PDGFRA: variants seen among roughly 807,000 people sequenced by gnomAD.
PDGFRA encodes the protein platelet-derived growth factor receptor alpha.
A neutral mutation model predicts 121.5 loss-of-function variants in PDGFRA; 25 were observed. That is an observed-to-expected ratio of 0.21 (90% CI 0.15 to 0.29). The LOEUF is 0.29. PDGFRA is among the 10% of genes least tolerant of loss of function. The pLI is 1.00. For synonymous variants in PDGFRA, 463 were observed against 494.8 expected (o/e 0.94, Z 0.85); for missense variants, 1,008 against 1,345.1 (o/e 0.75, Z 3.92).
chr4:54,231,400 C>T (rs1287707473), intron 1 of PDGFRA, among the ~76,000 whole-genome samples: 1 of 152,218 alleles, frequency 6.6e-6, no homozygotes, highest in Non-Finnish European at 1.5e-5. Context: ...AGGGAGCATC[C>T]AGGGCAAACG....
chr4:54,293,127 C>T (rs759480919), intron 22 of PDGFRA, among the ~76,000 whole-genome samples: 1 of 152,192 alleles, frequency 6.6e-6, no homozygotes, highest in Admixed American at 6.5e-5. Context: ...TGTAAGTTCA[C>T]TATGTCTCTA....
intron 5 of PDGFRA, among the ~76,000 whole-genome samples, chr4:54,265,916 C>G (rs1723004944): frequency 6.6e-6 from 1 of 152,158 alleles, no homozygotes; most frequent in Non-Finnish European, 1.5e-5. Context: ...GCTTTCTGTC[C>G]TTCTATCCAT....
chr4:54,274,685 C>G (rs1446321150), intron 11 of PDGFRA, 60 bp downstream of exon 11: 1 of 1,463,558 alleles, frequency 6.8e-7, no homozygotes, highest in African/African-American at 1.4e-5. Context: ...GCATAGCAAC[C>G]TAGTTCAGTG....
chr4:54,248,948 C>A (rs1436031583), intron 1 of PDGFRA, among the ~76,000 whole-genome samples: 1 of 152,034 alleles, frequency 6.6e-6, no homozygotes, highest in Non-Finnish European at 1.5e-5. Context: ...ATTTAAGCAG[C>A]CAAAAAAACA....
chr4:54,233,554 C>G (rs964758728), intron 1 of PDGFRA, among the ~76,000 whole-genome samples: 7 of 152,230 alleles, frequency 4.6e-5, no homozygotes, highest in African/African-American at 1.7e-4. Context: ...GCGCTGGAAC[C>G]CCGGGGGCCC....
Position 54,272,536 on chromosome 4 carries a change from G to T in PDGFRA, c.1364+16G>T, listed in dbSNP as rs761132122. On this transcript the variant is annotated intron_variant, in intron 9 of 22. Transcript: ENST00000257290. ...ATATTAAGAAGTATGGAAAACAGATGTGTCTTCTTCTTTCGTGGTCAGAAT... is the reference window on the plus strand; with the variant it reads ...ATATTAAGAAGTATGGAAAACAGATTTGTCTTCTTCTTTCGTGGTCAGAAT... 6.2e-7 allele frequency: 1 copy of T among 1,612,432 alleles called. No homozygotes were observed. The highest frequency in any genetic ancestry group is 8.5e-7 in the Non-Finnish European group (1 of 1,179,338).
chr4:54,232,983 A>C (rs371703422), intron 1 of PDGFRA, among the ~76,000 whole-genome samples: 5 of 152,028 alleles, frequency 3.3e-5, no homozygotes, highest in African/African-American at 1.2e-4. Flanking sequence ...TGCCCATAGG[A>C]GGCGCTGGCG....
chr4:54,270,271 A>G (rs1212625180), intron 7 of PDGFRA, among the ~76,000 whole-genome samples: 2 of 152,218 alleles, frequency 1.3e-5, no homozygotes, highest in Non-Finnish European at 2.9e-5. Context: ...ATTTAGGGGA[A>G]GCAAGTATTT....
chr4:54,278,849 C>T, intron 15 of PDGFRA: 2 of 491,462 alleles, frequency 4.1e-6, no homozygotes, highest in South Asian at 1.5e-5. Context: ...GTTCTGGAAC[C>T]TTGCAAGAAC....
At chr4:54,232,629 G>A (rs1720749493) in intron 1 of PDGFRA, among the ~76,000 whole-genome samples, 1 of 152,216 alleles carries the variant, frequency 6.6e-6, no homozygotes, top group Non-Finnish European at 1.5e-5. Flanking sequence ...CTGTCGCCCA[G>A]GCTGAAGTGC....
At chr4:54,285,334 C>T (rs749949192) in intron 16 of PDGFRA, 37 bp from the exon 17 acceptor site, 7 of 837,734 alleles carry the variant, frequency 8.4e-6, no homozygotes, top group Admixed American at 6.8e-5. Flanking sequence ...TTTCCTGCTG[C>T]CTGCCAGCAC....
intron 17 of PDGFRA, 115 bp from the exon 18 acceptor site, chr4:54,285,726 T>C: frequency 8.5e-7 from 1 of 1,172,188 alleles, no homozygotes. Flanking sequence ...AGGCCAGCCC[T>C]TTATATCCAG....
chr4:54,298,242 G>A lies in PDGFRA; in HGVS notation c.*2970G>A, dbSNP rs752208389. 5.4e-6 allele frequency: 1 copy of A among 185,238 alleles called. No individual in the cohort carries two copies. Among genetic ancestry groups the A allele is most frequent in the South Asian group, 2.0e-4 (1 of 5,092 alleles). The allele number at this position is 185,238 out of a possible 1,614,324, so 11.5% of individuals were successfully genotyped here. A position where few individuals can be genotyped will look rare whatever the true frequency, so the allele number is the denominator to read the frequency against. ...TTCAATAAATGATATATAATTTAAA[G>A]TTATACTAAGGTTTCAGCATTTTTG... On this transcript the variant is annotated 3_prime_UTR_variant, in exon 23 of 23. Coordinates refer to ENST00000257290, the MANE Select transcript of PDGFRA (RefSeq NM_006206.6).
At chr4:54,281,995 G>T in intron 16 of PDGFRA, 1 of 1,062,674 alleles carries the variant, frequency 9.4e-7, no homozygotes, top group African/African-American at 1.7e-5. Context: ...CATGTAGCTT[G>T]TATGTGTGCT....
intron 1 of PDGFRA, chr4:54,230,692 G>T (rs1577661291): frequency 6.6e-6 from 1 of 152,454 alleles, no homozygotes. Context: ...CCTTCTCCGC[G>T]CGGGGGTGCG....
intron 15 of PDGFRA, 83 bp downstream of exon 15, chr4:54,278,598 T>C: frequency 7.3e-7 from 1 of 1,369,302 alleles, no homozygotes. Context: ...ATAGATATCA[T>C]GTCTGCAGAT....
intron 3 of PDGFRA, among the ~76,000 whole-genome samples, chr4:54,261,927 ATATATTT>A (rs1293146087): frequency 1.8e-4 from 15 of 84,402 alleles, no homozygotes; most frequent in East Asian, 9.8e-4. Flanking sequence ...ATATATATAT[ATATATTT>A]TTTTTTTTTT....
At chr4:54,271,011 G>A (rs1188129572) in intron 8 of PDGFRA, among the ~76,000 whole-genome samples, 1 of 152,140 alleles carries the variant, frequency 6.6e-6, no homozygotes, top group Non-Finnish European at 1.5e-5. Flanking sequence ...GTCTTGCCAT[G>A]TTGCTCAGGC....
intron 21 of PDGFRA, 28 bp downstream of exon 21, chr4:54,289,142 T>A (rs1308851346): frequency 1.5e-6 from 2 of 1,303,526 alleles, no homozygotes; most frequent in Non-Finnish European, 2.2e-6. Flanking sequence ...GGTGGAAAGG[T>A]CTGGATAAAG....
Sources: allele counts gnomAD v4.1 joint callset (sites outside exome capture counted in the v4.1 genomes callset), GRCh38; gene constraint gnomAD v4.1.1; transcripts MANE v1.5; gene names NCBI Gene and HGNC (gene_info 2026-07-23, HGNC 2026-07-21).